Variants in SLC1A2 observed in about 807,000 individuals in gnomAD.
SLC1A2 encodes the protein solute carrier family 1 member 2, also known as excitatory amino acid transporter 2.
Under a neutral mutation model 48.8 loss-of-function variants are expected in SLC1A2, and 15 were observed. The ratio of observed to expected loss-of-function variants is 0.31; its 90% confidence interval spans 0.21 to 0.47. The LOEUF (loss-of-function observed/expected upper bound fraction) is 0.47, where lower values mean the gene tolerates loss of function less well. Among genes scored for constraint, SLC1A2 ranks in the 20% least tolerant of loss-of-function variants. The pLI, the probability that SLC1A2 is intolerant of heterozygous loss-of-function variation, is 0.99. For synonymous variants in SLC1A2, 279 were observed against 272.6 expected (o/e 1.02, Z -0.23); for missense variants, 502 against 730.5 (o/e 0.69, Z 3.61).
Position 35,265,636 on chromosome 11 carries a change from T to G in SLC1A2, c.1544A>C (p.Glu515Ala). The stretch of plus-strand genomic sequence containing the variant: ...ATAAATGGATTGAGTCTTGGTCATT[T>G]CAATATCTTCATGCACTCGATGCTG... ...DSQHRVHEDI[E>A]MTKTQSIYDD... Residue 515 changes from glutamate (E) to alanine (A), a missense_variant, in exon 10 of 11, where the codon GAA becomes GCA. This residue lies in a region of SLC1A2 where 102 missense variants were observed against 107.2 expected (regional missense o/e 0.95). Transcript: ENST00000278379. 3 of 1,612,862 alleles carry G rather than the reference T, an allele frequency of 1.9e-6. No individual in the cohort carries two copies. The highest frequency in any genetic ancestry group is 2.5e-6 in the Non-Finnish European group (3 of 1,178,772).
At chr11:35,420,297 G>GTT (rs1855753053), upstream of SLC1A2, among the ~76,000 whole-genome samples, 1 of 152,020 alleles carries the variant, frequency 6.6e-6, no homozygotes, top group South Asian at 2.1e-4. Context: ...CACAGAGACA[G>GTT]ATGGGCTTGT....
intron 1 of SLC1A2, among the ~76,000 whole-genome samples, chr11:35,390,360 C>T (rs763797880): frequency 4.3e-4 from 65 of 152,182 alleles, no homozygotes; most frequent in Non-Finnish European, 7.9e-4. Context: ...TGTAGTGTAC[C>T]CTGATAGTTT....
chr11:35,327,687 T>C (rs1852293521), intron 1 of SLC1A2, among the ~76,000 whole-genome samples: 1 of 152,182 alleles, frequency 6.6e-6, no homozygotes, highest in African/African-American at 2.4e-5. Context: ...AATAATAACA[T>C]TTGTGTCATT....
intron 4 of SLC1A2, among the ~76,000 whole-genome samples, chr11:35,311,156 T>C (rs1447247159): frequency 6.6e-6 from 1 of 152,186 alleles, no homozygotes; most frequent in African/African-American, 2.4e-5. Flanking sequence ...TTAAATTCTT[T>C]TTTTTTGTTT....
intron 1 of SLC1A2, among the ~76,000 whole-genome samples, chr11:35,338,842 C>T (rs1852731623): frequency 6.6e-6 from 1 of 152,122 alleles, no homozygotes; most frequent in Non-Finnish European, 1.5e-5. Flanking sequence ...ATTACTTTAC[C>T]CACTAAGATA....
chr11:35,419,722 G>A (rs1855728968), upstream of SLC1A2: 1 of 177,120 alleles, frequency 5.6e-6, no homozygotes. This position sits in a 1 kb window ranked among gnomAD's most constrained non-coding sequence, Gnocchi z 5.4. Flanking sequence ...CCGGTGGCAG[G>A]AGCCCAGGAT....
chr11:35,287,847 T>C (rs1006573712), intron 7 of SLC1A2, among the ~76,000 whole-genome samples: 1 of 152,228 alleles, frequency 6.6e-6, no homozygotes, highest in Non-Finnish European at 1.5e-5. Flanking sequence ...AAAGTTTAAG[T>C]AATGTAGAAA....
chr11:35,416,520 AT>A (rs1855608106), intron 1 of SLC1A2, among the ~76,000 whole-genome samples: 1 of 152,254 alleles, frequency 6.6e-6, no homozygotes, highest in Non-Finnish European at 1.5e-5. Context: ...GCTTCTAATA[AT>A]TCTTTAGAAA....
At chr11:35,321,969 G>A (rs1852086766) in intron 1 of SLC1A2, among the ~76,000 whole-genome samples, 1 of 152,084 alleles carries the variant, frequency 6.6e-6, no homozygotes, top group African/African-American at 2.4e-5. Flanking sequence ...CTCCTAAATT[G>A]AGGAATATTA....
intron 8 of SLC1A2, chr11:35,285,603 A>C (rs528251814): frequency 6.6e-6 from 1 of 152,310 alleles, no homozygotes; most frequent in East Asian, 1.9e-4. Context: ...AAAACTTATA[A>C]ATTGTTGAGT....
intron 1 of SLC1A2, among the ~76,000 whole-genome samples, chr11:35,351,439 G>A (rs1428373446): frequency 1.3e-5 from 2 of 152,238 alleles, no homozygotes; most frequent in African/African-American, 2.4e-5. Context: ...TGACATGGAC[G>A]TGTGTTCTCC....
At chr11:35,318,915 A>G (rs1851970085) in intron 1 of SLC1A2, among the ~76,000 whole-genome samples, 1 of 152,144 alleles carries the variant, frequency 6.6e-6, no homozygotes, top group African/African-American at 2.4e-5. Flanking sequence ...CCCAAATACA[A>G]CTACTTGCTT....
chr11:35,393,964 C>T (rs114644910), intron 1 of SLC1A2, among the ~76,000 whole-genome samples: 2 of 151,982 alleles, frequency 1.3e-5, no homozygotes, highest in Non-Finnish European at 2.9e-5. Context: ...CCTTGAAGCT[C>T]TTCTGTAACC....
chr11:35,284,094 T>A (rs958951496), intron 8 of SLC1A2, among the ~76,000 whole-genome samples: 8 of 141,794 alleles, frequency 5.6e-5, no homozygotes, highest in Non-Finnish European at 1.2e-4. Flanking sequence ...TTATTATATA[T>A]ATATATATAT....
intron 1 of SLC1A2, among the ~76,000 whole-genome samples, chr11:35,387,563 T>C (rs1854624019): frequency 6.6e-6 from 1 of 152,256 alleles, no homozygotes; most frequent in African/African-American, 2.4e-5. Context: ...GGAAAGTATT[T>C]GGTTGCCATG....
At chr11:35,372,578 G>A (rs938745546) in intron 1 of SLC1A2, among the ~76,000 whole-genome samples, 2 of 152,186 alleles carry the variant, frequency 1.3e-5, no homozygotes, top group Non-Finnish European at 2.9e-5. Flanking sequence ...TATGAGTATG[G>A]TGCTTTGGGT....
intron 8 of SLC1A2, chr11:35,285,709 G>A (rs1850796752): frequency 6.6e-6 from 1 of 152,252 alleles, no homozygotes; most frequent in South Asian, 2.1e-4. Context: ...GAGACTGTGG[G>A]AAACTGAAGG....
chr11:35,303,716 G>A (rs1851421137), intron 5 of SLC1A2, among the ~76,000 whole-genome samples: 1 of 152,230 alleles, frequency 6.6e-6, no homozygotes, highest in South Asian at 2.1e-4. Context: ...TGAGAGATAG[G>A]TTTTTAAAGG....
intron 1 of SLC1A2, chr11:35,404,362 A>C (rs1855223083): frequency 6.6e-6 from 1 of 152,212 alleles, no homozygotes; most frequent in South Asian, 2.1e-4. Flanking sequence ...CCCGCTGATG[A>C]CTCCCAGGGG....
Sources: gnomAD v4.1 joint callset for allele counts (sites outside exome capture counted in the v4.1 genomes callset) on GRCh38, gnomAD v4.1.1 for gene constraint, gnomAD v4.1.1 regional missense constraint, Gnocchi (gnomAD v3.1) non-coding constraint, MANE v1.5 for transcripts, NCBI Gene and HGNC (gene_info 2026-07-23, HGNC 2026-07-21) for gene names.